The following FYN variants were observed in gnomAD, a reference collection of about 807,000 sequenced individuals.
FYN encodes FYN proto-oncogene, Src family tyrosine kinase.
Under a neutral mutation model 70.2 loss-of-function variants are expected in FYN, and 10 were observed. The observed-to-expected ratio is 0.14, with a 90% CI of 0.09 to 0.24. FYN has a LOEUF of 0.24. Among genes scored for constraint, FYN ranks in the 10% least tolerant of loss-of-function variants. The pLI, the probability that FYN is intolerant of heterozygous loss-of-function variation, is 1.00. For missense variants in FYN, 319 were observed against 673.1 expected, an observed-to-expected ratio of 0.47 and a Z score of 5.82; for synonymous variants, 236 against 248.6, an observed-to-expected ratio of 0.95 and a Z score of 0.48.
chr6:111,718,681 G>C (rs1200499024), intron 4 of FYN, among the ~76,000 whole-genome samples: 1 of 152,168 alleles, frequency 6.6e-6, no homozygotes, highest in Non-Finnish European at 1.5e-5. Flanking sequence ...GCCTGTCTGT[G>C]TCTCTTCAGG....
intron 2 of FYN, among the ~76,000 whole-genome samples, chr6:111,805,430 A>T (rs761239161): frequency 2.0e-5 from 3 of 152,208 alleles, no homozygotes; most frequent in Non-Finnish European, 4.4e-5. Context: ...TGGGTGTCCT[A>T]TATTTTGCTG....
At chr6:111,771,485 T>A (rs540773618) in intron 3 of FYN, among the ~76,000 whole-genome samples, 1 of 152,276 alleles carries the variant, frequency 6.6e-6, no homozygotes, top group South Asian at 2.1e-4. Flanking sequence ...AAATAACACT[T>A]CTATGAAACC....
intron 3 of FYN, among the ~76,000 whole-genome samples, chr6:111,772,869 G>A (rs904550375): frequency 6.6e-6 from 1 of 151,594 alleles, no homozygotes; most frequent in Non-Finnish European, 1.5e-5. Context: ...GGGGAGGTAA[G>A]TTATAAAATA....
At chr6:111,871,368 T>C (rs1774268340) in intron 1 of FYN, among the ~76,000 whole-genome samples, 1 of 152,192 alleles carries the variant, frequency 6.6e-6, no homozygotes, top group Non-Finnish European at 1.5e-5. Flanking sequence ...GAGCAGGGAC[T>C]GGGGAAGAAG....
intron 5 of FYN, among the ~76,000 whole-genome samples, chr6:111,709,691 T>C (rs1800276190): frequency 6.6e-6 from 1 of 152,238 alleles, no homozygotes; most frequent in Non-Finnish European, 1.5e-5. Context: ...TTAGTTCATG[T>C]CTAGATCTTT....
At chr6:111,820,407 G>A (rs1296973175) in intron 2 of FYN, among the ~76,000 whole-genome samples, 1 of 152,106 alleles carries the variant, frequency 6.6e-6, no homozygotes, top group Non-Finnish European at 1.5e-5. Context: ...AATAAATGGT[G>A]TGCAGAATTC....
intron 3 of FYN, among the ~76,000 whole-genome samples, chr6:111,744,762 T>C (rs547566326): frequency 5.9e-4 from 90 of 152,308 alleles, no homozygotes; most frequent in African/African-American, 2.0e-3. Context: ...AAGTGGTATA[T>C]GCAAAGGTAT....
chr6:111,764,352 C>T (rs1401938136), intron 3 of FYN, among the ~76,000 whole-genome samples: 1 of 151,796 alleles, frequency 6.6e-6, no homozygotes, highest in Non-Finnish European at 1.5e-5. Context: ...GGGTTGGGGG[C>T]CCCACATCTC....
At chr6:111,730,196 T>C (rs1801384409) in intron 3 of FYN, among the ~76,000 whole-genome samples, 1 of 151,948 alleles carries the variant, frequency 6.6e-6, no homozygotes, top group Non-Finnish European at 1.5e-5. Flanking sequence ...GTGCTGGGAG[T>C]GGGCGGTGAG....
chr6:111,849,044 T>C (rs566886076), intron 1 of FYN, among the ~76,000 whole-genome samples: 1 of 152,348 alleles, frequency 6.6e-6, no homozygotes, highest in East Asian at 1.9e-4. Context: ...GATATGCATA[T>C]GTAGTTACAC....
chr6:111,736,347 G>A (rs1327270005), intron 3 of FYN, among the ~76,000 whole-genome samples: 1 of 152,122 alleles, frequency 6.6e-6, no homozygotes, highest in African/African-American at 2.4e-5. Flanking sequence ...TATTTTTTCA[G>A]CAATGACAGC....
chr6:111,838,315 T>C (rs1773252393), intron 2 of FYN, among the ~76,000 whole-genome samples: 1 of 152,206 alleles, frequency 6.6e-6, no homozygotes, highest in South Asian at 2.1e-4. Flanking sequence ...CAACTTTCCC[T>C]TCCCATGGTA....
At chr6:111,732,000 A>G (rs1393330909) in intron 3 of FYN, among the ~76,000 whole-genome samples, 9 of 152,206 alleles carry the variant, frequency 5.9e-5, no homozygotes, top group African/African-American at 2.2e-4. Context: ...GAACCACCAG[A>G]AGGTAGTGAT....
chr6:111,708,400 C>T (rs566946262), intron 5 of FYN, among the ~76,000 whole-genome samples: 19 of 152,144 alleles, frequency 1.2e-4, no homozygotes, highest in Non-Finnish European at 2.1e-4. Context: ...GGAAGGGAAG[C>T]TTTTTAGGAG....
intron 2 of FYN, among the ~76,000 whole-genome samples, chr6:111,828,639 T>G (rs1296171447): frequency 6.6e-6 from 1 of 151,768 alleles, no homozygotes; most frequent in Admixed American, 6.6e-5. Flanking sequence ...TTATGCTAAA[T>G]GAAATCAGCC....
At chr6:111,705,865 T>C (rs552520535) in intron 6 of FYN, among the ~76,000 whole-genome samples, 1 of 152,116 alleles carries the variant, frequency 6.6e-6, no homozygotes, top group South Asian at 2.1e-4. Context: ...CCCAGCATGG[T>C]CTCAAACTCC....
Position 111,661,684 on chromosome 6 carries a change from A to C in FYN, c.*55T>G. On this transcript the variant is annotated 3_prime_UTR_variant, in exon 14 of 14. Coordinates refer to ENST00000354650, the MANE Select transcript of FYN (RefSeq NM_002037.5). This position sits in a 1 kb window ranked among gnomAD's most constrained non-coding sequence, Gnocchi z 4.0. Reference sequence around the variant, plus strand: ...CAGCTGGCTACGGAATTGAAAGCTAATGGGGAGGGGTGGGGCAGCCTCTGG... The same window carrying C: ...CAGCTGGCTACGGAATTGAAAGCTACTGGGGAGGGGTGGGGCAGCCTCTGG... 1 of 1,520,076 alleles carries C rather than the reference A, an allele frequency of 6.6e-7. No individual in the cohort carries two copies. The highest frequency in any genetic ancestry group is 9.0e-7 in the Non-Finnish European group (1 of 1,110,046). 94.2% of individuals were successfully genotyped at this position (1,520,076 alleles called of 1,614,324 possible). A position where few individuals can be genotyped will look rare whatever the true frequency, so the allele number is the denominator to read the frequency against.
Position 111,725,184 on chromosome 6 carries a change from C to T in FYN, c.-11-5122G>A, listed in dbSNP as rs746459616. On this transcript the variant is annotated intron_variant, in intron 3 of 13. Coordinates refer to ENST00000354650, the MANE Select transcript of FYN (RefSeq NM_002037.5). ...ACACCCATAAGAATCTACTTGGGGA[C>T]TTTTGCTACATTCTCAGTGGAGAGA... 3.2e-4 allele frequency among the ~76,000 whole-genome samples: 49 copies of T among 152,128 alleles called. 1 individual carries two copies. Among genetic ancestry groups the T allele is most frequent in the Admixed American group, 6.5e-4 (10 of 15,284 alleles).
rs574277436 is a variant in FYN at position 111,804,311 on chromosome 6, C to G, written c.-81-23676G>C. On this transcript the variant is annotated intron_variant, in intron 2 of 13. Coordinates refer to ENST00000354650, the MANE Select transcript of FYN (RefSeq NM_002037.5). Reference sequence around the variant, plus strand: ...GGGGGAACTGGGGGGAACTGGGGAACAGAGACCTCAGCTTTAGAAGCGGCA... The same window carrying G: ...GGGGGAACTGGGGGGAACTGGGGAAGAGAGACCTCAGCTTTAGAAGCGGCA... 8.2e-4 allele frequency among the ~76,000 whole-genome samples: 125 copies of G among 152,262 alleles called. 1 individual carries two copies. The highest frequency in any genetic ancestry group is 5.6e-3 in the South Asian group (27 of 4,826).
Sources: allele counts gnomAD v4.1 joint callset (sites outside exome capture counted in the v4.1 genomes callset), GRCh38; gene constraint gnomAD v4.1.1; non-coding constraint Gnocchi (gnomAD v3.1); transcripts MANE v1.5; gene names NCBI Gene and HGNC (gene_info 2026-07-23, HGNC 2026-07-21).